Variants in HPSE2 observed in about 807,000 individuals in gnomAD.
The protein encoded by HPSE2 is heparanase 2 (inactive), also known as inactive heparanase-2.
In HPSE2, 38 loss-of-function variants were observed where a neutral mutation model predicts 60.5. That is an observed-to-expected ratio of 0.63 (90% CI 0.48 to 0.82). The LOEUF (loss-of-function observed/expected upper bound fraction) is 0.82, where lower values mean the gene tolerates loss of function less well. Among genes scored for constraint, HPSE2 ranks in the 40% least tolerant of loss-of-function variants. The pLI, the probability that HPSE2 is intolerant of heterozygous loss-of-function variation, is 0.00. For synonymous variants in HPSE2, 295 were observed against 293.2 expected, an observed-to-expected ratio of 1.01 and a Z score of -0.06; for missense variants, 713 against 740.4, an observed-to-expected ratio of 0.96 and a Z score of 0.43.
intron 6 of HPSE2, among the ~76,000 whole-genome samples, chr10:98,656,451 C>A (rs921000330): frequency 1.3e-5 from 2 of 152,156 alleles, no homozygotes; most frequent in African/African-American, 4.8e-5. Context: ...TTTGCACTGT[C>A]CCTATGCATG....
chr10:98,623,042 T>C (rs547535936), intron 7 of HPSE2, among the ~76,000 whole-genome samples: 6 of 152,164 alleles, frequency 3.9e-5, no homozygotes, highest in Non-Finnish European at 8.8e-5. Context: ...GTAATATATT[T>C]GTGTTTTTCT....
rs982729263 is a variant in HPSE2, at chr10:98,565,157, A to T, written c.1320+49747T>A. Among the ~76,000 whole-genome samples the T allele has an allele frequency of 1.4e-4, 21 of 149,442 alleles. No individual in the cohort carries two copies. The East Asian group carries it at 4.1e-3, about 29-fold the overall frequency. The stretch of plus-strand genomic sequence containing the variant: ...CAAGCAGACAGACAAAACTTGAAGA[A>T]TTTTTTTTTTTTAATTTTACTTTAA... On this transcript the variant is annotated intron_variant, in intron 9 of 11. Transcript: ENST00000370552.
At chr10:98,568,270 A>C (rs941404293) in intron 9 of HPSE2, among the ~76,000 whole-genome samples, 5 of 152,220 alleles carry the variant, frequency 3.3e-5, no homozygotes, top group African/African-American at 1.2e-4. Context: ...AATCAATTTA[A>C]GTGTATGATC....
At chr10:98,589,275 T>C (rs1207613590) in intron 9 of HPSE2, among the ~76,000 whole-genome samples, 3 of 152,218 alleles carry the variant, frequency 2.0e-5, no homozygotes, top group African/African-American at 7.2e-5. Flanking sequence ...GCCACTGTTG[T>C]CTGTGAGGTG....
At chr10:98,925,319 T>G (rs1197019477) in intron 3 of HPSE2, among the ~76,000 whole-genome samples, 1 of 152,084 alleles carries the variant, frequency 6.6e-6, no homozygotes, top group African/African-American at 2.4e-5. Flanking sequence ...CCAACCATCT[T>G]GCTCCACCTC....
chr10:99,182,752 C>T (rs1388159088), intron 2 of HPSE2, among the ~76,000 whole-genome samples: 2 of 152,102 alleles, frequency 1.3e-5, no homozygotes, highest in Admixed American at 6.5e-5. Flanking sequence ...AAATCCAGCA[C>T]TTTGGGAGGC....
chr10:98,891,527 TAACATGGA>T (rs1259078676), intron 3 of HPSE2, among the ~76,000 whole-genome samples: 1 of 151,928 alleles, frequency 6.6e-6, no homozygotes, highest in Non-Finnish European at 1.5e-5. Flanking sequence ...TGGCTCCCTG[TAACATGGA>T]ACTCGTGGAG....
At chr10:99,280,534 TAAC>T in the HPSE2 span, among the ~76,000 whole-genome samples, 10 of 152,184 alleles carry the variant, frequency 6.6e-5, no homozygotes, top group African/African-American at 9.7e-5. Flanking sequence ...TTAGAGAAGC[TAAC>T]AACGACAGAA....
At chr10:99,002,234 G>A (rs1956793164) in intron 3 of HPSE2, among the ~76,000 whole-genome samples, 1 of 151,976 alleles carries the variant, frequency 6.6e-6, no homozygotes. Context: ...CAATAAATGG[G>A]GAGAAAAGAC....
intron 11 of HPSE2, among the ~76,000 whole-genome samples, chr10:98,460,008 T>A (rs1940217047): frequency 6.6e-6 from 1 of 151,966 alleles, no homozygotes; most frequent in Admixed American, 6.5e-5. Context: ...TTGTCCCAAG[T>A]CACACAGCTT....
Position 98,721,646 on chromosome 10 carries a change from A to G in HPSE2, c.956+11T>C. On this transcript the variant is annotated intron_variant, in intron 5 of 11. Transcript: ENST00000370552. The stretch of plus-strand genomic sequence containing the variant: ...ACAATGTCATAAGAAAAGCTAAATA[A>G]TCTGACCTACCCATCTAGGAGGGCG... The G allele has an allele frequency of 6.2e-7, 1 of 1,612,262 alleles. No homozygotes were observed. Among genetic ancestry groups the G allele is most frequent in the Non-Finnish European group, 8.5e-7 (1 of 1,178,942 alleles).
chr10:98,607,382 T>A (rs1313127267), intron 9 of HPSE2, among the ~76,000 whole-genome samples: 2 of 151,986 alleles, frequency 1.3e-5, no homozygotes, highest in Non-Finnish European at 1.5e-5. Flanking sequence ...GATGGCAGAG[T>A]GGGATTTTCA....
chr10:98,464,874 T>C (rs1940460730), intron 11 of HPSE2, among the ~76,000 whole-genome samples: 1 of 152,230 alleles, frequency 6.6e-6, no homozygotes, highest in Non-Finnish European at 1.5e-5. Context: ...ACTGATTCTC[T>C]CAGCCACTCA....
intron 3 of HPSE2, among the ~76,000 whole-genome samples, chr10:99,043,138 G>T (rs952332335): frequency 2.0e-5 from 3 of 152,124 alleles, no homozygotes; most frequent in Admixed American, 6.5e-5. Flanking sequence ...AATTCAAAAA[G>T]CCAGTGTCCC....
chr10:99,090,164 C>T (rs1387743168), intron 3 of HPSE2, among the ~76,000 whole-genome samples: 5 of 152,108 alleles, frequency 3.3e-5, no homozygotes, highest in African/African-American at 1.2e-4. Context: ...CCCTTTACTT[C>T]TTTCTCTTGT....
At position 98,962,800 on chromosome 10, in the gene HPSE2, G is replaced by A. The variant is rs559610880; in HGVS notation, c.610+181438C>T. On this transcript the variant is annotated intron_variant, in intron 3 of 11. Coordinates refer to ENST00000370552, the MANE Select transcript of HPSE2 (RefSeq NM_021828.5). The stretch of plus-strand genomic sequence containing the variant: ...TATACACCAACAACAGACAAACAGA[G>A]AGCCAAATCATGGGTGAACTCCCAT... Among the ~76,000 whole-genome samples, 320 of 150,946 alleles carry A rather than the reference G, an allele frequency of 2.1e-3. 1 individual carries two copies. The highest frequency in any genetic ancestry group is 7.2e-3 in the African/African-American group (297 of 41,068).
chr10:98,482,164 T>C (rs1941260754), intron 11 of HPSE2, among the ~76,000 whole-genome samples: 1 of 152,156 alleles, frequency 6.6e-6, no homozygotes, highest in Non-Finnish European at 1.5e-5. Context: ...ACTCTTTGTT[T>C]AGTGCTCCTT....
At chr10:98,947,095 C>A (rs1189747829) in intron 3 of HPSE2, among the ~76,000 whole-genome samples, 1 of 151,968 alleles carries the variant, frequency 6.6e-6, no homozygotes, top group Admixed American at 6.6e-5. Context: ...ACACATACCA[C>A]CGATTGAGGT....
chr10:98,495,894 T>C (rs1941820841), intron 9 of HPSE2, among the ~76,000 whole-genome samples: 1 of 152,198 alleles, frequency 6.6e-6, no homozygotes, highest in South Asian at 2.1e-4. Flanking sequence ...GATTTATTTA[T>C]TTTTTTCTTT....
Sources: gnomAD v4.1 joint callset for allele counts (sites outside exome capture counted in the v4.1 genomes callset) on GRCh38, gnomAD v4.1.1 for gene constraint, MANE v1.5 for transcripts, NCBI Gene and HGNC (gene_info 2026-07-23, HGNC 2026-07-21) for gene names.